The following SCUBE3 variants were observed in gnomAD, a reference collection of about 807,000 sequenced individuals.
SCUBE3 encodes the protein signal peptide, CUB domain and EGF like domain containing 3, also known as signal peptide, CUB and EGF-like domain-containing protein 3.
Under a neutral mutation model 116.8 loss-of-function variants are expected in SCUBE3, and 33 were observed. The observed-to-expected ratio is 0.28, with a 90% CI of 0.21 to 0.38. The LOEUF (loss-of-function observed/expected upper bound fraction) is 0.38. Ranked by LOEUF, SCUBE3 falls within the 10% of genes least tolerant of loss-of-function variation. The pLI is 1.00. For missense variants in SCUBE3, 1,007 were observed against 1,324.8 expected, an observed-to-expected ratio of 0.76 and a Z score of 3.72; for synonymous variants, 418 against 496.9, an observed-to-expected ratio of 0.84 and a Z score of 2.11.
At position 35,231,681 on chromosome 6, in the gene SCUBE3, C is replaced by A. The variant is rs371592488; in HGVS notation, c.335-44C>A. ...TGAAGTCTTGGGATATACCCTGGAC[C>A]CTGCCTGTACCCCATGACCCCACTG... On this transcript the variant is annotated intron_variant, in intron 3 of 21. Coordinates refer to ENST00000274938, the MANE Select transcript of SCUBE3 (RefSeq NM_152753.4). The surrounding 1 kb of genome is among the most constrained non-coding windows in gnomAD (Gnocchi z 4.2). 3.2e-6 allele frequency: 5 copies of A among 1,562,942 alleles called. No individual in the cohort carries two copies. Among genetic ancestry groups the A allele is most frequent in the Middle Eastern group, 1.7e-4 (1 of 5,900 alleles).
rs1783373719 is a variant in SCUBE3 at position 35,227,453 on chromosome 6, T to G, written c.86-127T>G. The G allele has an allele frequency of 1.7e-5, 16 of 951,328 alleles. No individual in the cohort carries two copies. In the South Asian group the frequency reaches 2.3e-4, roughly 13 times the overall value. 58.9% of individuals were successfully genotyped at this position (951,328 alleles called of 1,614,324 possible). ...AATCAGAGAGATGTGAGACAGCACCTGTTTCTGGAGGGGGTCACTGCCTCT... is the reference window on the plus strand; with the variant it reads ...AATCAGAGAGATGTGAGACAGCACCGGTTTCTGGAGGGGGTCACTGCCTCT... On this transcript the variant is annotated intron_variant, in intron 1 of 21. Transcript: ENST00000274938.
In SCUBE3 at chr6:35,243,652, A is replaced by AG; in HGVS notation, c.1969dup (p.Ala657GlyfsTer20). On this transcript the variant is annotated frameshift_variant, in exon 16 of 22. Coordinates refer to ENST00000274938, the MANE Select transcript of SCUBE3 (RefSeq NM_152753.4). LOFTEE classifies it high-confidence loss of function. The surrounding 1 kb of genome is among the most constrained non-coding windows in gnomAD (Gnocchi z 6.6). Reference sequence around the variant, plus strand: ...AGACGGAGCAGTGTGTGCCATGCCCAGCGGGCACCTTCCAGGAGAGAGAAG... The same window carrying AG: ...AGACGGAGCAGTGTGTGCCATGCCCAGGCGGGCACCTTCCAGGAGAGAGAAG... 6.2e-7 allele frequency: 1 copy of AG among 1,614,002 alleles called. No individual in the cohort carries two copies. The highest frequency in any genetic ancestry group is 1.1e-5 in the South Asian group (1 of 91,078).
chr6:35,238,341 C>A (rs1783868989), intron 7 of SCUBE3, among the ~76,000 whole-genome samples: 1 of 152,158 alleles, frequency 6.6e-6, no homozygotes, highest in African/African-American at 2.4e-5. Context: ...ATATTTGAGC[C>A]CTGACTGTGT....
At position 35,231,732 on chromosome 6, in the gene SCUBE3, C is replaced by T. The variant is rs371796340; in HGVS notation, c.342C>T (p.Asp114=). 6.1e-5 allele frequency: 99 copies of T among 1,611,028 alleles called. No homozygotes were observed. The highest frequency in any genetic ancestry group is 7.9e-5 in the Non-Finnish European group (93 of 1,177,782). The change falls in exon 4 of 22, where the codon GAC becomes GAT. Residue 114 remains aspartate (D), a synonymous_variant. Coordinates refer to ENST00000274938, the MANE Select transcript of SCUBE3 (RefSeq NM_152753.4). The surrounding 1 kb of genome is among the most constrained non-coding windows in gnomAD (Gnocchi z 4.2). ...ACTACCTATCCTGCACAGATGTGGACGAGTGTGCCGAGGGCAACGGCGGCT... is the reference window on the plus strand; with the variant it reads ...ACTACCTATCCTGCACAGATGTGGATGAGTGTGCCGAGGGCAACGGCGGCT... ...AHDGHNCLDV[D]ECAEGNGGCQ...
Position 35,231,812 on chromosome 6 carries a change from G to C in SCUBE3, c.422G>C (p.Gly141Ala). 1 of 1,613,690 alleles carries C rather than the reference G, an allele frequency of 6.2e-7. No individual in the cohort carries two copies. The highest frequency in any genetic ancestry group is 1.7e-5 in the Admixed American group (1 of 60,014). The change falls in exon 4 of 22, where the codon GGC becomes GCC. Residue 141 changes from glycine to alanine, a missense_variant. This residue lies in a region of SCUBE3 where 214 missense variants were observed against 316.7 expected (regional missense o/e 0.68). Transcript: ENST00000274938. The surrounding 1 kb of genome is among the most constrained non-coding windows in gnomAD (Gnocchi z 4.2). ...MGSYECHCRE[G>A]FFLSDNQHTC... ...AGCTATGAGTGCCACTGCCGGGAAGGCTTCTTCCTCAGCGACAACCAGCAT... is the reference window on the plus strand; with the variant it reads ...AGCTATGAGTGCCACTGCCGGGAAGCCTTCTTCCTCAGCGACAACCAGCAT...
chr6:35,232,915 G>T lies in SCUBE3; in HGVS notation c.535G>T (p.Gly179Cys). 6.2e-7 allele frequency: 1 copy of T among 1,614,122 alleles called. No individual in the cohort carries two copies. The highest frequency in any genetic ancestry group is 8.5e-7 in the Non-Finnish European group (1 of 1,179,974). ...AHICRETPKGGIACECRPGFE... is the reference protein window; with the variant it reads ...AHICRETPKGCIACECRPGFE... ...CATTTGCCGGGAGACACCCAAGGGG[G>T]GTATTGCCTGTGAATGCCGTCCTGG... Residue 179 changes from glycine to cysteine, a missense_variant, in exon 5 of 22, where the codon GGT becomes TGT. By Grantham distance (159) the Gly-to-Cys change is radical (BLOSUM62 -3). Transcript: ENST00000274938. This position sits in a 1 kb window ranked among gnomAD's most constrained non-coding sequence, Gnocchi z 4.2.
rs1784528116 is a variant in SCUBE3, at chr6:35,250,809, G to A, written c.*2104G>A. 1.3e-5 allele frequency: 2 copies of A among 150,938 alleles called. No homozygotes were observed. Among genetic ancestry groups the A allele is most frequent in the Admixed American group, 1.3e-4 (2 of 15,104 alleles). 9.3% of individuals were successfully genotyped at this position (150,938 alleles called of 1,614,324 possible). The stretch of plus-strand genomic sequence containing the variant: ...GTCCTAGGCTACTGCTCCCCCAGGA[G>A]ACTCAACACTAAATAAAGGAGTCTG... On this transcript the variant is annotated 3_prime_UTR_variant, in exon 22 of 22. Transcript: ENST00000274938.
chr6:35,244,647 C>T lies in SCUBE3; in HGVS notation c.2240-3C>T, dbSNP rs1562059766. On this transcript the variant is annotated splice_region_variant and splice_polypyrimidine_tract_variant and intron_variant, in intron 17 of 21. Coordinates refer to ENST00000274938, the MANE Select transcript of SCUBE3 (RefSeq NM_152753.4). The surrounding 1 kb of genome is among the most constrained non-coding windows in gnomAD (Gnocchi z 4.3). ...GATTCCTGCCCTTCTCCCTTGCCTA[C>T]AGTCCAGTGCTCCCCAGGGCACTAC... 3.1e-6 allele frequency: 5 copies of T among 1,613,532 alleles called. No homozygotes were observed. Among genetic ancestry groups the T allele is most frequent in the Non-Finnish European group, 3.4e-6 (4 of 1,179,524 alleles).
chr6:35,242,336 C>T lies in SCUBE3; in HGVS notation c.1534+16C>T, dbSNP rs367827658. 1 of 1,559,068 alleles carries T rather than the reference C, an allele frequency of 6.4e-7. No individual in the cohort carries two copies. The highest frequency in any genetic ancestry group is 8.8e-7 in the Non-Finnish European group (1 of 1,130,170). On this transcript the variant is annotated intron_variant, in intron 13 of 21. Coordinates refer to ENST00000274938, the MANE Select transcript of SCUBE3 (RefSeq NM_152753.4). ...ACAGGGCCAGGTTTGGACTGGGGAC[C>T]CCATTCCAGTTGGCTGTCTGGCCAC...
chr6:35,231,750 C>T lies in SCUBE3; in HGVS notation c.360C>T (p.Asn120=), dbSNP rs769830755. 2.7e-5 allele frequency: 44 copies of T among 1,612,958 alleles called. No individual in the cohort carries two copies. The East Asian group carries it at 7.8e-4, about 29-fold the overall frequency. The stretch of plus-strand genomic sequence containing the variant: ...ATGTGGACGAGTGTGCCGAGGGCAA[C>T]GGCGGCTGTCAGCAGAGCTGTGTCA... ...CLDVDECAEG[N]GGCQQSCVNM... is the part of the protein sequence containing the mutation. The change falls in exon 4 of 22, where the codon AAC becomes AAT. Residue 120 remains asparagine, a synonymous_variant. Coordinates refer to ENST00000274938, the MANE Select transcript of SCUBE3 (RefSeq NM_152753.4). The surrounding 1 kb of genome is among the most constrained non-coding windows in gnomAD (Gnocchi z 4.2).
intron 1 of SCUBE3, among the ~76,000 whole-genome samples, chr6:35,215,179 G>A (rs1197190536): frequency 6.6e-6 from 1 of 152,100 alleles, no homozygotes; most frequent in Non-Finnish European, 1.5e-5. Flanking sequence ...ATTTATTAAG[G>A]CCTCGGGTTT....
chr6:35,244,709 A>C lies in SCUBE3; in HGVS notation c.2299A>C (p.Met767Leu), dbSNP rs565758923. Residue 767 changes from methionine (M) to leucine (L), a missense_variant, in exon 18 of 22, where the codon ATG (methionine) becomes CTG (leucine). Around this residue, in one of 5 missense-constraint regions of SCUBE3, gnomAD observed 544 missense variants for 638.9 expected, o/e 0.85. Transcript: ENST00000274938. The surrounding 1 kb of genome is among the most constrained non-coding windows in gnomAD (Gnocchi z 4.3). ...TSIHRCIRCA[M>L]GSYQPDFRQN... ...CATCCACCGCTGTATTCGCTGTGCCATGGGCTCCTATCAGCCCGACTTCCG... is the reference window on the plus strand; with the variant it reads ...CATCCACCGCTGTATTCGCTGTGCCCTGGGCTCCTATCAGCCCGACTTCCG... 5 of 1,614,082 alleles carry C rather than the reference A, an allele frequency of 3.1e-6. No individual in the cohort carries two copies. The African/African-American group carries it at 6.7e-5, about 22-fold the overall frequency.
chr6:35,241,186 G>A lies in SCUBE3; in HGVS notation c.1115G>A (p.Cys372Tyr). 6.2e-7 allele frequency: 1 copy of A among 1,605,318 alleles called. No homozygotes were observed. The highest frequency in any genetic ancestry group is 8.5e-7 in the Non-Finnish European group (1 of 1,172,758). ...SINRGGCRFG[C>Y]INTPGSYQCT... ...AACCGGGGAGGTTGCCGCTTTGGCTGCATCAACACTCCTGGCAGCTACCAG... is the reference window on the plus strand; with the variant it reads ...AACCGGGGAGGTTGCCGCTTTGGCTACATCAACACTCCTGGCAGCTACCAG... Residue 372 changes from cysteine (C) to tyrosine (Y), a missense_variant, in exon 10 of 22, where the codon TGC becomes TAC. Around this residue, in one of 5 missense-constraint regions of SCUBE3, gnomAD observed 544 missense variants for 638.9 expected, o/e 0.85. Transcript: ENST00000274938. The surrounding 1 kb of genome is among the most constrained non-coding windows in gnomAD (Gnocchi z 4.1).
intron 1 of SCUBE3, among the ~76,000 whole-genome samples, chr6:35,226,830 T>C (rs1050463427): frequency 6.6e-6 from 1 of 152,136 alleles, no homozygotes. Context: ...GTGAGTGGCC[T>C]CTTCCTTCAA....
Position 35,240,566 on chromosome 6 carries a change from G to A in SCUBE3, c.1069+76G>A. Reference sequence around the variant, plus strand: ...ACCCTCCAATTGAACAGGTCCTTGTGTTGGCTTGTGGCTATGGGCAATCCC... The same window carrying A: ...ACCCTCCAATTGAACAGGTCCTTGTATTGGCTTGTGGCTATGGGCAATCCC... On this transcript the variant is annotated intron_variant, in intron 9 of 21. Coordinates refer to ENST00000274938, the MANE Select transcript of SCUBE3 (RefSeq NM_152753.4). The surrounding 1 kb of genome is among the most constrained non-coding windows in gnomAD (Gnocchi z 4.6). The A allele has an allele frequency of 1.4e-6, 1 of 701,556 alleles. No homozygotes were observed. The highest frequency in any genetic ancestry group is 2.4e-6 in the Non-Finnish European group (1 of 412,182). 43.5% of individuals were successfully genotyped at this position (701,556 alleles called of 1,614,324 possible).
chr6:35,248,666 C>T lies in SCUBE3; in HGVS notation c.2943C>T (p.Leu981=), dbSNP rs774334316. ...TGCCAAAATCCTTCATCAAGCTGCT[C>T]CGCTCCAAAGTTTCCAGCTTCCTGA... The part of the protein sequence containing the change: ...EMLPKSFIKL[L]RSKVSSFLRP... The change falls in exon 22 of 22, where the codon CTC becomes CTT. Residue 981 remains leucine, a synonymous_variant. Coordinates refer to ENST00000274938, the MANE Select transcript of SCUBE3 (RefSeq NM_152753.4). The T allele has an allele frequency of 1.2e-6, 2 of 1,614,120 alleles. No homozygotes were observed. The highest frequency in any genetic ancestry group is 1.7e-6 in the Non-Finnish European group (2 of 1,180,000).
At position 35,241,264 on chromosome 6, in the gene SCUBE3, C is replaced by T. The variant is rs1285960895; in HGVS notation, c.1193C>T (p.Thr398Ile). ...GRLHWNGKDCTEPLKCQGSPG... is the reference protein window; with the variant it reads ...GRLHWNGKDCIEPLKCQGSPG... ...CTGCACTGGAATGGCAAAGATTGCA[C>T]AGGTGGGCAGTGCCCTCTGCTGGCC... Residue 398 changes from threonine (T) to isoleucine (I), a missense_variant and splice_region_variant, in exon 10 of 22, where the codon ACA (threonine) becomes ATA (isoleucine). Around this residue, in one of 5 missense-constraint regions of SCUBE3, gnomAD observed 544 missense variants for 638.9 expected, o/e 0.85. Coordinates refer to ENST00000274938, the MANE Select transcript of SCUBE3 (RefSeq NM_152753.4). The surrounding 1 kb of genome is among the most constrained non-coding windows in gnomAD (Gnocchi z 4.1). 1.9e-6 allele frequency: 3 copies of T among 1,588,752 alleles called. No homozygotes were observed. The highest frequency in any genetic ancestry group is 1.1e-5 in the South Asian group (1 of 89,238).
chr6:35,233,390 G>T lies in SCUBE3; in HGVS notation c.712+89G>T. The T allele has an allele frequency of 1.2e-6, 1 of 814,128 alleles. No individual in the cohort carries two copies. Among genetic ancestry groups the T allele is most frequent in the Non-Finnish European group, 2.1e-6 (1 of 470,228 alleles). The allele number at this position is 814,128 out of a possible 1,614,324, so 50.4% of individuals were successfully genotyped here. On this transcript the variant is annotated intron_variant, in intron 6 of 21. Coordinates refer to ENST00000274938, the MANE Select transcript of SCUBE3 (RefSeq NM_152753.4). The surrounding 1 kb of genome is among the most constrained non-coding windows in gnomAD (Gnocchi z 5.7). ...ACCAGGGAAGTGGAGGAGTGCATGG[G>T]GCCCAGGTGCTGGGCACAGAGGGAC...
At position 35,245,060 on chromosome 6, in the gene SCUBE3, A is replaced by C. The variant is rs1228872214; in HGVS notation, c.2402-168A>C. On this transcript the variant is annotated intron_variant, in intron 18 of 21. Coordinates refer to ENST00000274938, the MANE Select transcript of SCUBE3 (RefSeq NM_152753.4). The surrounding 1 kb of genome is among the most constrained non-coding windows in gnomAD (Gnocchi z 4.2). ...GTGAAGTGAGAAGAGAAGGTACTAAAAGGGCAGGAAGGAAGATGGACTCAG... is the reference window on the plus strand; with the variant it reads ...GTGAAGTGAGAAGAGAAGGTACTAACAGGGCAGGAAGGAAGATGGACTCAG... Among the ~76,000 whole-genome samples the C allele has an allele frequency of 1.3e-5, 2 of 152,198 alleles. No individual in the cohort carries two copies. Among genetic ancestry groups the C allele is most frequent in the African/African-American group, 4.8e-5 (2 of 41,452 alleles).
Sources: gnomAD v4.1 joint callset for allele counts (sites outside exome capture counted in the v4.1 genomes callset) on GRCh38, gnomAD v4.1.1 for gene constraint, gnomAD v4.1.1 regional missense constraint, Gnocchi (gnomAD v3.1) non-coding constraint, MANE v1.5 for transcripts, NCBI Gene and HGNC (gene_info 2026-07-23, HGNC 2026-07-21) for gene names.